GRID2: variants seen among roughly 807,000 people sequenced by gnomAD.
GRID2 encodes glutamate receptor ionotropic, delta-2.
In GRID2, 33 loss-of-function variants were observed where a neutral mutation model predicts 114.8. The ratio of observed to expected loss-of-function variants is 0.29; its 90% CI spans 0.22 to 0.38. The LOEUF is 0.38. GRID2 is among the 10% of genes least tolerant of loss of function. The pLI, the probability that GRID2 is intolerant of heterozygous loss-of-function variation, is 1.00. For missense variants in GRID2, 1,184 were observed against 1,257.7 expected (o/e 0.94, Z 0.89); for synonymous variants, 505 against 449.9 (o/e 1.12, Z -1.55).
chr4:93,105,663 C>G (rs1217665299), intron 3 of GRID2, among the ~76,000 whole-genome samples: 1 of 152,068 alleles, frequency 6.6e-6, no homozygotes, highest in Non-Finnish European at 1.5e-5. Context: ...AGAAACAACC[C>G]ACCTTTCTTC....
At chr4:92,637,440 G>A (rs2149250689) in intron 2 of GRID2, among the ~76,000 whole-genome samples, 1 of 152,098 alleles carries the variant, frequency 6.6e-6, no homozygotes, top group South Asian at 2.1e-4. Flanking sequence ...CTTCTTCTAA[G>A]TTAACTTTTT....
intron 2 of GRID2, among the ~76,000 whole-genome samples, chr4:93,026,027 G>T (rs1330796908): frequency 6.6e-6 from 1 of 151,624 alleles, no homozygotes; most frequent in Non-Finnish European, 1.5e-5. Flanking sequence ...AGGGAAAGTT[G>T]ATAATTTTCT....
At chr4:92,451,519 A>G (rs768199395) in intron 1 of GRID2, among the ~76,000 whole-genome samples, 88 of 152,196 alleles carry the variant, frequency 5.8e-4, no homozygotes, top group Non-Finnish European at 1.1e-3. Context: ...ATGAGGTACA[A>G]TCACTTCCCA....
chr4:93,416,554 C>A (rs377295011), intron 9 of GRID2, among the ~76,000 whole-genome samples: 1 of 152,038 alleles, frequency 6.6e-6, no homozygotes, highest in Non-Finnish European at 1.5e-5. Flanking sequence ...CATATTAAAA[C>A]CTCTAAACAG....
rs897016962 is a variant in GRID2 at position 92,936,408 on chromosome 4, G to C, written c.245-148587G>C. On this transcript the variant is annotated intron_variant, in intron 2 of 15. Transcript: ENST00000282020. Reference sequence around the variant, plus strand: ...ATACTGCCTAATTCATGATAATAGAGTTAAGGGGTCTGTTTTATTTAAATA... The same window carrying C: ...ATACTGCCTAATTCATGATAATAGACTTAAGGGGTCTGTTTTATTTAAATA... 4.8e-5 allele frequency among the ~76,000 whole-genome samples: 7 copies of C among 146,548 alleles called. 2 individuals carry two copies. The highest frequency in any genetic ancestry group is 1.1e-4 in the Non-Finnish European group (7 of 66,248).
intron 2 of GRID2, among the ~76,000 whole-genome samples, chr4:92,895,706 C>G (rs1381809040): frequency 6.6e-6 from 1 of 151,968 alleles, no homozygotes; most frequent in Admixed American, 6.6e-5. Context: ...AATGTGTTAA[C>G]TAACTACTGT....
intron 1 of GRID2, among the ~76,000 whole-genome samples, chr4:92,543,311 T>C (rs1726071891): frequency 6.6e-6 from 1 of 152,124 alleles, no homozygotes; most frequent in Non-Finnish European, 1.5e-5. Context: ...CAGAGCTGTG[T>C]GAACAGTCTA....
chr4:92,563,934 T>C (rs1466682496), intron 1 of GRID2, among the ~76,000 whole-genome samples: 1 of 152,066 alleles, frequency 6.6e-6, no homozygotes, highest in African/African-American at 2.4e-5. Context: ...TCTCAATTTG[T>C]CCTTTCTTTA....
intron 2 of GRID2, among the ~76,000 whole-genome samples, chr4:92,902,051 C>A (rs78633297): frequency 6.6e-6 from 1 of 152,040 alleles, no homozygotes; most frequent in Non-Finnish European, 1.5e-5. Flanking sequence ...TCACTACTTA[C>A]TATTTTGGTG....
At chr4:92,842,240 A>C (rs148221639) in intron 2 of GRID2, among the ~76,000 whole-genome samples, 357 of 152,184 alleles carry the variant, frequency 2.3e-3, no homozygotes, top group African/African-American at 7.0e-3. Context: ...TATTTGTTTT[A>C]CTTGAAAGGA....
chr4:93,753,825 C>A (rs909912982), intron 14 of GRID2, among the ~76,000 whole-genome samples: 1 of 152,134 alleles, frequency 6.6e-6, no homozygotes, highest in African/African-American at 2.4e-5. Context: ...TCTTGAGAGC[C>A]CTTTGGGCCA....
intron 11 of GRID2, among the ~76,000 whole-genome samples, chr4:93,481,381 A>T (rs983410305): frequency 6.6e-6 from 1 of 152,124 alleles, no homozygotes; most frequent in South Asian, 2.1e-4. Flanking sequence ...AGATTTAATC[A>T]GCAATTAAGC....
chr4:93,662,939 A>G (rs1288804566), intron 14 of GRID2, among the ~76,000 whole-genome samples: 2 of 152,208 alleles, frequency 1.3e-5, no homozygotes, highest in African/African-American at 2.4e-5. Context: ...AATCCTAAAT[A>G]AAGAAGCAGT....
chr4:92,802,913 T>C (rs1182645458), intron 2 of GRID2, among the ~76,000 whole-genome samples: 2 of 151,990 alleles, frequency 1.3e-5, no homozygotes, highest in African/African-American at 4.8e-5. Context: ...TGCATTTTTC[T>C]ATTTTATTAA....
At chr4:93,387,978 G>A (rs982148055) in intron 8 of GRID2, among the ~76,000 whole-genome samples, 1 of 152,040 alleles carries the variant, frequency 6.6e-6, no homozygotes, top group Non-Finnish European at 1.5e-5. Flanking sequence ...TAAATGGGAA[G>A]AGGAAACAAA....
intron 2 of GRID2, among the ~76,000 whole-genome samples, chr4:92,842,829 C>T (rs561496169): frequency 5.3e-5 from 8 of 152,120 alleles, no homozygotes; most frequent in African/African-American, 1.7e-4. Flanking sequence ...ATATGAGTAT[C>T]TAAAGATCTG....
At chr4:93,482,449 C>T (rs1725963429) in intron 11 of GRID2, among the ~76,000 whole-genome samples, 1 of 151,920 alleles carries the variant, frequency 6.6e-6, no homozygotes, top group Non-Finnish European at 1.5e-5. Flanking sequence ...GAAAACCAAA[C>T]ACCACATGTT....
chr4:92,943,896 G>A (rs374796137), intron 2 of GRID2, among the ~76,000 whole-genome samples: 1 of 152,192 alleles, frequency 6.6e-6, no homozygotes, highest in Non-Finnish European at 1.5e-5. Context: ...GAGCAGAACA[G>A]CGGCTACTGG....
intron 4 of GRID2, among the ~76,000 whole-genome samples, chr4:93,193,197 A>G (rs1393434859): frequency 6.6e-6 from 1 of 152,120 alleles, no homozygotes; most frequent in Non-Finnish European, 1.5e-5. Context: ...TCTGTAGAGG[A>G]ATACAAGTAG....
Sources: gnomAD v4.1 joint callset for allele counts (sites outside exome capture counted in the v4.1 genomes callset) on GRCh38, gnomAD v4.1.1 for gene constraint, MANE v1.5 for transcripts, NCBI Gene and HGNC (gene_info 2026-07-23, HGNC 2026-07-21) for gene names.